The following WDR70 variants were observed in gnomAD, a reference collection of about 807,000 sequenced individuals.
WDR70 encodes the protein WD repeat-containing protein 70.
In WDR70, 53 loss-of-function variants were observed where a neutral mutation model predicts 88.6. The observed-to-expected ratio is 0.60, with a 90% CI of 0.48 to 0.75. The LOEUF (loss-of-function observed/expected upper bound fraction) is 0.75. WDR70 is among the 30% of genes least tolerant of loss of function. The pLI is 0.00. For synonymous variants in WDR70, 280 were observed against 270.0 expected (o/e 1.04, Z -0.36); for missense variants, 610 against 823.2 (o/e 0.74, Z 3.17).
At chr5:37,515,326 G>A (rs1488347269) in intron 8 of WDR70, among the ~76,000 whole-genome samples, 1 of 152,198 alleles carries the variant, frequency 6.6e-6, no homozygotes, top group Non-Finnish European at 1.5e-5. Flanking sequence ...AAAATAAAGT[G>A]GGCAGAAAGA....
At chr5:37,596,008 C>G (rs1743689749) in intron 9 of WDR70, among the ~76,000 whole-genome samples, 1 of 152,066 alleles carries the variant, frequency 6.6e-6, no homozygotes, top group Admixed American at 6.6e-5. Flanking sequence ...TGATATATTC[C>G]AAAGGAAATT....
chr5:37,626,113 A>T (rs1156355025), intron 10 of WDR70, among the ~76,000 whole-genome samples: 3 of 149,080 alleles, frequency 2.0e-5, no homozygotes, highest in Non-Finnish European at 4.4e-5. Flanking sequence ...GATGCCTTTT[A>T]TATATCTGTT....
intron 8 of WDR70, among the ~76,000 whole-genome samples, chr5:37,481,827 C>T (rs1459349780): frequency 1.1e-4 from 17 of 152,268 alleles, no homozygotes; most frequent in Admixed American, 2.0e-4. Context: ...TGCTTCTTCT[C>T]GAATGCTTTG....
intron 13 of WDR70, among the ~76,000 whole-genome samples, chr5:37,719,264 G>C (rs1747736178): frequency 6.6e-6 from 1 of 151,766 alleles, no homozygotes. Flanking sequence ...TCCCAACCAG[G>C]AGCAATTTTA....
At chr5:37,479,670 C>T (rs545809915) in intron 7 of WDR70, among the ~76,000 whole-genome samples, 164 bp from the exon 8 acceptor site, 10 of 152,208 alleles carry the variant, frequency 6.6e-5, no homozygotes, top group African/African-American at 1.4e-4. Context: ...CTTGCCCAGC[C>T]GCTAGTGGGT....
chr5:37,520,771 T>G (rs1741060733), intron 9 of WDR70, among the ~76,000 whole-genome samples: 1 of 152,162 alleles, frequency 6.6e-6, no homozygotes, highest in Non-Finnish European at 1.5e-5. Context: ...TAGGAAGAAA[T>G]TACTTAAATC....
Position 37,437,516 on chromosome 5 carries a change from A to G in WDR70, c.493-406A>G, listed in dbSNP as rs568297707. On this transcript the variant is annotated intron_variant, in intron 5 of 17. Transcript: ENST00000265107. ...ATATTAAAGTATGGTAAGCAGATAT[A>G]TCAACCTTTTCGCTCCTCTTGATAA... 3.3e-5 allele frequency among the ~76,000 whole-genome samples: 5 copies of G among 152,266 alleles called. No homozygotes were observed. In the South Asian group the frequency reaches 8.3e-4, roughly 25 times the overall value.
At chr5:37,614,605 T>A (rs1205554686) in intron 10 of WDR70, among the ~76,000 whole-genome samples, 2 of 152,210 alleles carry the variant, frequency 1.3e-5, no homozygotes, top group African/African-American at 4.8e-5. Flanking sequence ...ATAACAGCCT[T>A]GCTCATTCAT....
intron 9 of WDR70, among the ~76,000 whole-genome samples, chr5:37,535,506 T>C (rs1442808829): frequency 6.6e-6 from 1 of 152,144 alleles, no homozygotes; most frequent in Non-Finnish European, 1.5e-5. Context: ...GCCAAGCCAT[T>C]GAAGAGTACT....
At chr5:37,493,900 CCT>C (rs1740141584) in intron 8 of WDR70, among the ~76,000 whole-genome samples, 1 of 151,244 alleles carries the variant, frequency 6.6e-6, no homozygotes, top group African/African-American at 2.4e-5. Context: ...CTCACTGCAA[CCT>C]CTGTCTCCTC....
intron 17 of WDR70, among the ~76,000 whole-genome samples, chr5:37,741,397 T>C (rs900466200): frequency 6.6e-6 from 1 of 152,144 alleles, no homozygotes; most frequent in Non-Finnish European, 1.5e-5. Flanking sequence ...CTTGCCAAGC[T>C]AAAACTCTAT....
intron 9 of WDR70, among the ~76,000 whole-genome samples, chr5:37,563,026 G>A (rs1256890347): frequency 9.1e-4 from 107 of 118,188 alleles, no homozygotes; most frequent in Middle Eastern, 0.011. Context: ...AGGGGCGGCC[G>A]GGCAGAGGCG....
intron 9 of WDR70, among the ~76,000 whole-genome samples, chr5:37,600,607 A>C (rs1028783589): frequency 1.3e-5 from 2 of 152,110 alleles, no homozygotes; most frequent in South Asian, 2.1e-4. Flanking sequence ...ATTTGAGTAC[A>C]TATTTCACTA....
At chr5:37,424,653 T>G (rs1474133835) in intron 5 of WDR70, among the ~76,000 whole-genome samples, 4 of 152,094 alleles carry the variant, frequency 2.6e-5, no homozygotes, top group Non-Finnish European at 5.9e-5. Context: ...CGAGCAGTCC[T>G]TCTGCCTCAC....
In WDR70 at chr5:37,656,402, C is replaced by A. The variant is rs534532916; in HGVS notation, c.1093-41253C>A. 2.0e-5 allele frequency among the ~76,000 whole-genome samples: 3 copies of A among 152,318 alleles called. No homozygotes were observed. In the South Asian group the frequency reaches 6.2e-4, roughly 32 times the overall value. Reference sequence around the variant, plus strand: ...GTCGACCCCTCCTGGGAGGTGTCTCCCAGTCAGGAGACACGGGGGTCAGGG... The same window carrying A: ...GTCGACCCCTCCTGGGAGGTGTCTCACAGTCAGGAGACACGGGGGTCAGGG... On this transcript the variant is annotated intron_variant, in intron 10 of 17. Transcript: ENST00000265107.
rs2112301943 is a variant in WDR70 at position 37,529,873 on chromosome 5, G to C, written c.917+13283G>C. On this transcript the variant is annotated intron_variant, in intron 9 of 17. Transcript: ENST00000265107. ...TCCAGTACTATGTTGAGTAGAAGTG[G>C]GGAAAGTGGGCATCCTTGTCTTGTT... is the stretch of plus-strand genomic sequence containing the variant. Among the ~76,000 whole-genome samples, 3 of 152,244 alleles carry C rather than the reference G, an allele frequency of 2.0e-5. 1 individual carries two copies. The highest frequency in any genetic ancestry group is 2.0e-4 in the Admixed American group (3 of 15,292).
intron 10 of WDR70, among the ~76,000 whole-genome samples, chr5:37,680,730 G>C (rs1011226053): frequency 1.3e-5 from 2 of 152,032 alleles, no homozygotes; most frequent in Non-Finnish European, 2.9e-5. Flanking sequence ...CTTATTTCTA[G>C]GTTCTCTATT....
chr5:37,663,297 A>G (rs1184686403), intron 10 of WDR70, among the ~76,000 whole-genome samples: 1 of 152,232 alleles, frequency 6.6e-6, no homozygotes, highest in Admixed American at 6.5e-5. Context: ...TCCAGAACAT[A>G]GTACTCGGAG....
At chr5:37,646,965 T>C (rs959075945) in intron 10 of WDR70, among the ~76,000 whole-genome samples, 1 of 152,214 alleles carries the variant, frequency 6.6e-6, no homozygotes, top group African/African-American at 2.4e-5. Context: ...CCCATCTCGA[T>C]TATTTTTTAA....
Sources: gnomAD v4.1 joint callset for allele counts (sites outside exome capture counted in the v4.1 genomes callset) on GRCh38, gnomAD v4.1.1 for gene constraint, MANE v1.5 for transcripts, NCBI Gene and HGNC (gene_info 2026-07-23, HGNC 2026-07-21) for gene names.